The following PCCA variants were observed in gnomAD, a reference collection of about 807,000 sequenced individuals.
The protein encoded by PCCA is propionyl-CoA carboxylase subunit alpha, also known as propionyl-CoA carboxylase alpha chain, mitochondrial.
Under a neutral mutation model 101.3 loss-of-function variants are expected in PCCA, and 74 were observed. The observed-to-expected ratio is 0.73, with a 90% CI of 0.61 to 0.89. PCCA has a LOEUF of 0.89. Among genes scored for constraint, PCCA ranks in the 40% least tolerant of loss-of-function variants. PCCA has a pLI of 0.00. For missense variants in PCCA, 891 were observed against 907.0 expected (o/e 0.98, Z 0.23); for synonymous variants, 294 against 313.6 (o/e 0.94, Z 0.66).
intron 19 of PCCA, among the ~76,000 whole-genome samples, chr13:100,388,683 C>A (rs1460833315): frequency 6.6e-6 from 1 of 152,104 alleles, no homozygotes; most frequent in Non-Finnish European, 1.5e-5. Flanking sequence ...GTAGTCCCAG[C>A]TACTTGGGAG....
chr13:100,476,506 T>A (rs7318874), intron 21 of PCCA, among the ~76,000 whole-genome samples: 15,848 of 152,222 alleles, frequency 0.1, 1,382 homozygotes, highest in African/African-American at 0.24. Flanking sequence ...AGTCACTAGT[T>A]TGAAATTAGC....
At chr13:100,237,607 GA>G (rs1329377636) in intron 8 of PCCA, 3 of 152,126 alleles carry the variant, frequency 2.0e-5, no homozygotes, top group Non-Finnish European at 2.9e-5. Context: ...ACTGGCTTTT[GA>G]GGATAGTTTT....
At chr13:100,507,972 A>G (rs994539313) in intron 21 of PCCA, among the ~76,000 whole-genome samples, 1 of 152,014 alleles carries the variant, frequency 6.6e-6, no homozygotes, top group Non-Finnish European at 1.5e-5. Flanking sequence ...TTAATTTTCA[A>G]TTTAATTTTT....
intron 12 of PCCA, among the ~76,000 whole-genome samples, chr13:100,275,457 C>T (rs575610014): frequency 5.3e-5 from 8 of 152,272 alleles, no homozygotes; most frequent in African/African-American, 9.6e-5. Flanking sequence ...TTATCTTTTG[C>T]GTGCTATGGC....
At chr13:100,282,117 C>T (rs2152627905) in intron 12 of PCCA, among the ~76,000 whole-genome samples, 1 of 152,224 alleles carries the variant, frequency 6.6e-6, no homozygotes. Context: ...AGATCCTTTG[C>T]CCTTTGGGTT....
intron 11 of PCCA, among the ~76,000 whole-genome samples, chr13:100,269,926 C>T (rs982676852): frequency 6.6e-6 from 1 of 152,142 alleles, no homozygotes; most frequent in East Asian, 1.9e-4. Context: ...ATCATTGTTC[C>T]CTTTTCTTGA....
chr13:100,488,858 A>G (rs968960668), intron 21 of PCCA, among the ~76,000 whole-genome samples: 2 of 151,586 alleles, frequency 1.3e-5, no homozygotes, highest in African/African-American at 2.4e-5. Context: ...GTTTTCCCCT[A>G]ATCTGTTTTA....
At chr13:100,308,860 A>G (rs894849227) in intron 15 of PCCA, among the ~76,000 whole-genome samples, 8 of 152,302 alleles carry the variant, frequency 5.3e-5, no homozygotes, top group Middle Eastern at 3.4e-3. Context: ...ATTGGCTAAT[A>G]TAACTGCCAG....
intron 18 of PCCA, among the ~76,000 whole-genome samples, chr13:100,362,590 C>T (rs1161812470): frequency 2.0e-5 from 3 of 152,100 alleles, no homozygotes; most frequent in Non-Finnish European, 4.4e-5. Context: ...ACAGCTGTGC[C>T]ACAGTGCCTT....
At chr13:100,200,043 A>G (rs2058374765) in intron 6 of PCCA, among the ~76,000 whole-genome samples, 1 of 151,826 alleles carries the variant, frequency 6.6e-6, no homozygotes, top group Admixed American at 6.6e-5. Flanking sequence ...TTACTATCTG[A>G]TCTGACAGGA....
rs145951654 is a variant in PCCA at position 100,325,909 on chromosome 13, C to T, written c.1430-4652C>T. Reference sequence around the variant, plus strand: ...CACATGTGTTTAACATCGAAGGTGTCGAAGTGGCCTGCTTCTCCCCAAACC... The same window carrying T: ...CACATGTGTTTAACATCGAAGGTGTTGAAGTGGCCTGCTTCTCCCCAAACC... On this transcript the variant is annotated intron_variant, in intron 16 of 23. Coordinates refer to ENST00000376285, the MANE Select transcript of PCCA (RefSeq NM_000282.4). Among the ~76,000 whole-genome samples, 131 of 152,170 alleles carry T rather than the reference C, an allele frequency of 8.6e-4. No homozygotes were observed. In the Middle Eastern group the frequency reaches 0.034, roughly 40 times the overall value.
rs537153876 is a variant in PCCA at position 100,238,374 on chromosome 13, T to C, written c.637+2496T>C. 2.8e-4 allele frequency among the ~76,000 whole-genome samples: 42 copies of C among 152,314 alleles called. No homozygotes were observed. In the South Asian group the frequency reaches 8.3e-3, roughly 30 times the overall value. ...GCTGTGCTTTACCTCCTTTTCATTT[T>C]TTATTTTTTCCTACTGAAGTTACCT... On this transcript the variant is annotated intron_variant, in intron 8 of 23. Transcript: ENST00000376285.
intron 19 of PCCA, among the ~76,000 whole-genome samples, chr13:100,373,349 G>T (rs1287020442): frequency 6.6e-6 from 1 of 152,318 alleles, no homozygotes; most frequent in East Asian, 1.9e-4. Context: ...ATAAAATGAT[G>T]TGGTTACTTT....
intron 4 of PCCA, chr13:100,149,619 G>A (rs1051777739): frequency 2.6e-5 from 4 of 152,206 alleles, no homozygotes; most frequent in African/African-American, 9.7e-5. Flanking sequence ...AGTGCATCTA[G>A]TCCGTATTAC....
intron 4 of PCCA, among the ~76,000 whole-genome samples, chr13:100,129,178 G>A (rs528197454): frequency 1.2e-4 from 19 of 152,230 alleles, no homozygotes; most frequent in Admixed American, 4.6e-4. Context: ...CAATTTATGA[G>A]CAAGTCCTTT....
At chr13:100,431,865 C>CA (rs1197942636) in intron 20 of PCCA, among the ~76,000 whole-genome samples, 1 of 150,084 alleles carries the variant, frequency 6.7e-6, no homozygotes, top group Non-Finnish European at 1.5e-5. Context: ...GACTCCATCT[C>CA]AAAAAAAATA....
At chr13:100,270,439 T>C (rs1399822576) in intron 11 of PCCA, among the ~76,000 whole-genome samples, 1 of 152,228 alleles carries the variant, frequency 6.6e-6, no homozygotes, top group Non-Finnish European at 1.5e-5. Flanking sequence ...ATTAACACTC[T>C]GTTTTTAGTA....
chr13:100,139,744 T>C (rs767725734), intron 4 of PCCA, among the ~76,000 whole-genome samples: 58 of 152,204 alleles, frequency 3.8e-4, no homozygotes, highest in Non-Finnish European at 6.5e-4. Context: ...GATTTTTCCT[T>C]CCCTGTAAGA....
chr13:100,163,385 G>A (rs538458613), intron 6 of PCCA, among the ~76,000 whole-genome samples: 10 of 152,122 alleles, frequency 6.6e-5, no homozygotes, highest in South Asian at 2.1e-4. Context: ...GTTTAATGTC[G>A]GCCTCTGAAG....
Sources: allele counts gnomAD v4.1 joint callset (sites outside exome capture counted in the v4.1 genomes callset), GRCh38; gene constraint gnomAD v4.1.1; transcripts MANE v1.5; gene names NCBI Gene and HGNC (gene_info 2026-07-23, HGNC 2026-07-21).